Variants in SDAD1 observed in about 807,000 individuals in gnomAD.
SDAD1 encodes SDA1 domain containing 1, also known as protein SDA1 homolog.
A neutral mutation model predicts 100.3 loss-of-function variants in SDAD1; 79 were observed. The observed-to-expected ratio is 0.79, with a 90% CI of 0.66 to 0.95. The LOEUF is 0.95. Ranked by LOEUF, SDAD1 falls within the 40% of genes least tolerant of loss-of-function variation. The pLI is 0.00. For synonymous variants in SDAD1, 267 were observed against 271.4 expected (o/e 0.98, Z 0.16); for missense variants, 790 against 810.9 (o/e 0.97, Z 0.31).
rs1227178938 is a variant in SDAD1, at chr4:75,965,950, C to A, written c.1046-128G>T. 10 of 693,618 alleles carry A rather than the reference C, an allele frequency of 1.4e-5. No homozygotes were observed. In the Admixed American group the frequency reaches 2.6e-4, roughly 18 times the overall value. 43.0% of individuals were successfully genotyped at this position (693,618 alleles called of 1,614,324 possible). On this transcript the variant is annotated intron_variant, in intron 12 of 21. Transcript: ENST00000356260. ...GCGTATTCCACCTGGAACACTCAAT[C>A]CCCAGATATCTGCTTGGCTTACCCC...
intron 20 of SDAD1, among the ~76,000 whole-genome samples, chr4:75,956,344 A>G (rs780453562): frequency 6.6e-6 from 1 of 152,014 alleles, no homozygotes; most frequent in Non-Finnish European, 1.5e-5. Context: ...AAAAGTCATA[A>G]TTTAGCCTGG....
intron 4 of SDAD1, among the ~76,000 whole-genome samples, chr4:75,976,740 T>C (rs1730180335): frequency 1.4e-5 from 2 of 141,034 alleles, no homozygotes; most frequent in Non-Finnish European, 3.2e-5. Context: ...ATAAAAGTGT[T>C]ATTAAAAAAA....
intron 11 of SDAD1, among the ~76,000 whole-genome samples, chr4:75,968,378 T>G (rs1372611073): frequency 6.6e-6 from 1 of 151,932 alleles, no homozygotes; most frequent in East Asian, 1.9e-4. Context: ...GAAAAGTGTT[T>G]TTCTTTTCTT....
At chr4:75,957,106 GC>G (rs934038848) in intron 20 of SDAD1, among the ~76,000 whole-genome samples, 5 of 151,990 alleles carry the variant, frequency 3.3e-5, no homozygotes, top group Non-Finnish European at 7.4e-5. Context: ...AGAGACTGTC[GC>G]AAAAAACAAA....
intron 17 of SDAD1, among the ~76,000 whole-genome samples, chr4:75,959,125 A>C (rs1167823441): frequency 1.3e-5 from 2 of 149,252 alleles, no homozygotes; most frequent in Non-Finnish European, 3.0e-5. Context: ...AAAAAAAAAA[A>C]AAACCTAAAA....
chr4:75,975,310 T>G (rs899275557), intron 6 of SDAD1, among the ~76,000 whole-genome samples: 4 of 152,206 alleles, frequency 2.6e-5, no homozygotes, highest in Non-Finnish European at 5.9e-5. Context: ...GTACGAAGCA[T>G]GATATTTTAT....
In SDAD1 at chr4:75,970,351, C is replaced by T. The variant is rs1355714778; in HGVS notation, c.841G>A (p.Val281Met). 2.5e-6 allele frequency: 4 copies of T among 1,613,850 alleles called. No homozygotes were observed. Among genetic ancestry groups the T allele is most frequent in the Admixed American group, 1.7e-5 (1 of 60,000 alleles). ...KKQKKKKKPE[V>M]FNFSAIHLIH... Reference sequence around the variant, plus strand: ...AAGTGAATGGCTGAAAAGTTAAACACCTCTGGTTTTTTCTTCTTTTTTTGT... The same window carrying T: ...AAGTGAATGGCTGAAAAGTTAAACATCTCTGGTTTTTTCTTCTTTTTTTGT... The change falls in exon 10 of 22, where the codon GTG (valine) becomes ATG (methionine). Residue 281 changes from valine (V) to methionine (M), a missense_variant. Coordinates refer to ENST00000356260, the MANE Select transcript of SDAD1 (RefSeq NM_018115.4).
At chr4:75,958,925 G>A (rs890562938) in intron 17 of SDAD1, among the ~76,000 whole-genome samples, 4 of 150,974 alleles carry the variant, frequency 2.6e-5, no homozygotes, top group Admixed American at 6.6e-5. Flanking sequence ...GTGAAACCCC[G>A]TCTCTACTAA....
chr4:75,967,708 A>T (rs2149317982), intron 11 of SDAD1, among the ~76,000 whole-genome samples: 1 of 152,338 alleles, frequency 6.6e-6, no homozygotes, highest in Admixed American at 6.5e-5. Context: ...CCAAGGCTCC[A>T]AAACAACAGA....
rs1729476218 is a variant in SDAD1, at chr4:75,965,326, C to G, written c.1104+438G>C. Among the ~76,000 whole-genome samples, 2 of 152,328 alleles carry G rather than the reference C, an allele frequency of 1.3e-5. 1 individual carries two copies. The highest frequency in any genetic ancestry group is 4.1e-4 in the South Asian group (2 of 4,826). On this transcript the variant is annotated intron_variant, in intron 13 of 21. Transcript: ENST00000356260. ...CTGGCTGTCTGCTCTCAAACCCTGT[C>G]TCCTGATAAGATGTTATCAATGACA...
intron 8 of SDAD1, among the ~76,000 whole-genome samples, chr4:75,971,823 G>A (rs1193432251): frequency 6.6e-6 from 1 of 152,004 alleles, no homozygotes; most frequent in East Asian, 1.9e-4. Context: ...AGTGAGCTGA[G>A]ATCACGCCAC....
chr4:75,976,743 TA>T (rs33916455), intron 4 of SDAD1, among the ~76,000 whole-genome samples: 36,392 of 150,102 alleles, frequency 0.24, 4,768 homozygotes, highest in East Asian at 0.37. Flanking sequence ...AAAGTGTTAT[TA>T]AAAAAAAAAT....
chr4:75,950,689 A>C lies in SDAD1; in HGVS notation c.*61T>G, dbSNP rs776461257. ...TGTAAACAAACATGCTTGATTTACC[A>C]ATTTTCAGAGCAAGGACACAAACTT... On this transcript the variant is annotated 3_prime_UTR_variant, in exon 22 of 22. Coordinates refer to ENST00000356260, the MANE Select transcript of SDAD1 (RefSeq NM_018115.4). 18 of 1,237,890 alleles carry C rather than the reference A, an allele frequency of 1.5e-5. No homozygotes were observed. In the Admixed American group the frequency reaches 3.3e-4, roughly 23 times the overall value. 76.7% of individuals were successfully genotyped at this position (1,237,890 alleles called of 1,614,324 possible). A position where few individuals can be genotyped will look rare whatever the true frequency, so the allele number is the denominator to read the frequency against.
At chr4:75,988,628 A>G (rs1454183025) in intron 1 of SDAD1, among the ~76,000 whole-genome samples, 1 of 152,224 alleles carries the variant, frequency 6.6e-6, no homozygotes, top group African/African-American at 2.4e-5. Flanking sequence ...AATGTCATTT[A>G]ATGAGCATAG....
chr4:75,983,400 C>G (rs763014789), intron 1 of SDAD1, among the ~76,000 whole-genome samples: 3 of 152,228 alleles, frequency 2.0e-5, no homozygotes, highest in African/African-American at 7.2e-5. Flanking sequence ...CTAATTTACA[C>G]TCCCACCAAC....
chr4:75,966,303 C>T (rs1001381327), intron 12 of SDAD1, among the ~76,000 whole-genome samples: 10 of 150,790 alleles, frequency 6.6e-5, no homozygotes, highest in African/African-American at 2.5e-5. Context: ...CACACACACA[C>T]ACACACACAC....
chr4:75,955,904 C>A, intron 21 of SDAD1, 71 bp downstream of exon 21: 1 of 1,503,230 alleles, frequency 6.7e-7, no homozygotes, highest in South Asian at 1.4e-5. Flanking sequence ...AGGCGCAAGT[C>A]CGTCTCAAAT....
Position 75,954,782 on chromosome 4 carries a change from C to T in SDAD1, c.2016+1193G>A, listed in dbSNP as rs533815104. 2.6e-5 allele frequency among the ~76,000 whole-genome samples: 4 copies of T among 152,256 alleles called. No individual in the cohort carries two copies. The East Asian group carries it at 7.7e-4, about 29-fold the overall frequency. ...CGGACGTGCAGTCAGGGAGGTTTCA[C>T]ATCACCAAGATTCCTATCCCAGAAA... is the stretch of plus-strand genomic sequence containing the variant. On this transcript the variant is annotated intron_variant, in intron 21 of 21. Transcript: ENST00000356260.
chr4:75,979,038 GAAGCTTCCCCTGGCA>G (rs1730334857), intron 3 of SDAD1, among the ~76,000 whole-genome samples: 1 of 101,592 alleles, frequency 9.8e-6, no homozygotes, highest in African/African-American at 3.1e-5. Context: ...AAAGGACTAA[GAAGCTTCCCCTGGCA>G]AGGTGGTGAC....
Sources: allele counts gnomAD v4.1 joint callset (sites outside exome capture counted in the v4.1 genomes callset), GRCh38; gene constraint gnomAD v4.1.1; transcripts MANE v1.5; gene names NCBI Gene and HGNC (gene_info 2026-07-23, HGNC 2026-07-21).